GMEB1: variants seen among roughly 807,000 people sequenced by gnomAD.
The protein encoded by GMEB1 is glucocorticoid modulatory element-binding protein 1.
A neutral mutation model predicts 52.4 loss-of-function variants in GMEB1; 6 were observed. That is an observed-to-expected ratio of 0.11 (90% CI 0.06 to 0.23). The LOEUF (loss-of-function observed/expected upper bound fraction) is 0.23. Among genes scored for constraint, GMEB1 ranks in the 10% least tolerant of loss-of-function variants. The pLI is 1.00. For missense variants in GMEB1, 486 were observed against 685.6 expected (o/e 0.71, Z 3.25); for synonymous variants, 255 against 244.9 (o/e 1.04, Z -0.38).
chr1:28,669,690 G>C (rs1440590477), intron 1 of GMEB1, among the ~76,000 whole-genome samples: 2 of 152,136 alleles, frequency 1.3e-5, no homozygotes, highest in Non-Finnish European at 2.9e-5. Context: ...GATGGAAGGT[G>C]TCTAGGTGCC....
At chr1:28,674,741 C>T (rs1274374009) in intron 1 of GMEB1, among the ~76,000 whole-genome samples, 2 of 78,640 alleles carry the variant, frequency 2.5e-5, no homozygotes, top group African/African-American at 1.1e-4. Flanking sequence ...TTTTTTGAGA[C>T]GGAGTCTCGC....
intron 8 of GMEB1, among the ~76,000 whole-genome samples, chr1:28,707,821 G>A (rs1333205104): frequency 6.6e-6 from 1 of 152,116 alleles, no homozygotes; most frequent in African/African-American, 2.4e-5. Flanking sequence ...TCAAACCATG[G>A]GACCAAGTGA....
At chr1:28,682,980 G>A (rs1040308834) in intron 1 of GMEB1, among the ~76,000 whole-genome samples, 1 of 152,130 alleles carries the variant, frequency 6.6e-6, no homozygotes, top group Non-Finnish European at 1.5e-5. Context: ...CTCGAAGTTG[G>A]AAGAGATATG....
chr1:28,714,208 C>G lies in GMEB1; in HGVS notation c.1127C>G (p.Ala376Gly), dbSNP rs1256580510. The G allele has an allele frequency of 3.1e-6, 5 of 1,614,212 alleles. No homozygotes were observed. Among genetic ancestry groups the G allele is most frequent in the Non-Finnish European group, 4.2e-6 (5 of 1,180,032 alleles). The change falls in exon 10 of 10, where the codon GCC becomes GGC. Residue 376 changes from alanine (A) to glycine (G), a missense_variant. Ala to Gly is a moderately conservative substitution (Grantham distance 60, BLOSUM62 0). This residue lies in a region of GMEB1 where 200 missense variants were observed against 253.5 expected (regional missense o/e 0.79). Coordinates refer to ENST00000373816, the MANE Select transcript of GMEB1 (RefSeq NM_001319674.2). The part of the protein sequence containing the change: ...PPKRPRLQRP[A>G]STTVLSPSPP... ...AAAAGGCCCCGGCTCCAGCGGCCAGCCTCCACCACTGTCTTGAGCCCTTCT... is the reference window on the plus strand; with the variant it reads ...AAAAGGCCCCGGCTCCAGCGGCCAGGCTCCACCACTGTCTTGAGCCCTTCT...
At position 28,702,585 on chromosome 1, in the gene GMEB1, G is replaced by A; in HGVS notation, c.730+16G>A. The A allele has an allele frequency of 6.2e-7, 1 of 1,610,486 alleles. No individual in the cohort carries two copies. The highest frequency in any genetic ancestry group is 8.5e-7 in the Non-Finnish European group (1 of 1,177,714). On this transcript the variant is annotated intron_variant, in intron 7 of 9. Transcript: ENST00000373816. Reference sequence around the variant, plus strand: ...GAAATTTCAGGTATTCTTCTATAGGGCTCAGATGTCTTGCAGGGTCTTGTG... The same window carrying A: ...GAAATTTCAGGTATTCTTCTATAGGACTCAGATGTCTTGCAGGGTCTTGTG...
intron 6 of GMEB1, 67 bp downstream of exon 6, chr1:28,697,151 C>A (rs1343641734): frequency 2.3e-6 from 1 of 442,086 alleles, no homozygotes; most frequent in East Asian, 5.9e-5. Context: ...CTTATTTCTC[C>A]CTTGTGTGTA....
chr1:28,670,415 C>T (rs541699318), intron 1 of GMEB1, among the ~76,000 whole-genome samples: 1 of 152,246 alleles, frequency 6.6e-6, no homozygotes, highest in African/African-American at 2.4e-5. Context: ...GCAACCTCCG[C>T]CTCTTGGGTT....
At chr1:28,670,830 T>C (rs1409029519) in intron 1 of GMEB1, among the ~76,000 whole-genome samples, 1 of 152,184 alleles carries the variant, frequency 6.6e-6, no homozygotes, top group Admixed American at 6.5e-5. Flanking sequence ...ATATCAAGGA[T>C]GTATATTTAA....
rs559565686 is a variant in GMEB1, at chr1:28,693,580, G to A, written c.440+535G>A. On this transcript the variant is annotated intron_variant, in intron 5 of 9. Coordinates refer to ENST00000373816, the MANE Select transcript of GMEB1 (RefSeq NM_001319674.2). ...CACCCAGGCTGGAGTGCAGTGGCGC[G>A]ACCTCGGCTCACTGCAACCTCGGCC... 1.9e-4 allele frequency among the ~76,000 whole-genome samples: 28 copies of A among 151,314 alleles called. No homozygotes were observed. In the East Asian group the frequency reaches 5.1e-3, roughly 27 times the overall value.
intron 5 of GMEB1, among the ~76,000 whole-genome samples, 174 bp downstream of exon 5, chr1:28,693,219 A>ATT (rs747525434): frequency 1.1e-4 from 15 of 140,794 alleles, no homozygotes; most frequent in Admixed American, 1.4e-4. Context: ...GACGAGATTG[A>ATT]TTTTTTTTTT....
chr1:28,706,922 C>T (rs1670803066), intron 8 of GMEB1, among the ~76,000 whole-genome samples: 1 of 151,016 alleles, frequency 6.6e-6, no homozygotes, highest in Admixed American at 6.6e-5. Context: ...CTGTTTTGGC[C>T]TCCAAAAGTG....
At chr1:28,712,711 C>T (rs774731801) in intron 9 of GMEB1, among the ~76,000 whole-genome samples, 12 of 152,002 alleles carry the variant, frequency 7.9e-5, no homozygotes, top group Admixed American at 4.6e-4. Flanking sequence ...CCCATCTACT[C>T]GGGAGGCTGA....
At chr1:28,707,627 G>T (rs1278122080) in intron 8 of GMEB1, among the ~76,000 whole-genome samples, 2 of 152,176 alleles carry the variant, frequency 1.3e-5, no homozygotes, top group Admixed American at 1.3e-4. Flanking sequence ...TGAGATGAAG[G>T]CCACTGGGAG....
intron 2 of GMEB1, among the ~76,000 whole-genome samples, chr1:28,684,476 C>T (rs1408662556): frequency 2.0e-5 from 3 of 149,220 alleles, no homozygotes; most frequent in South Asian, 2.2e-4. Flanking sequence ...GGCAGGAGAA[C>T]GGCGTGAACC....
chr1:28,672,673 T>C (rs1039031214), intron 1 of GMEB1, among the ~76,000 whole-genome samples: 10 of 152,030 alleles, frequency 6.6e-5, no homozygotes, highest in African/African-American at 2.4e-4. Context: ...TAACTCGTCA[T>C]TTATATTAGG....
intron 2 of GMEB1, 27 bp downstream of exon 2, chr1:28,683,767 T>G: frequency 6.2e-7 from 1 of 1,609,956 alleles, no homozygotes; most frequent in Non-Finnish European, 8.5e-7. Context: ...TTGGGTATTC[T>G]GAAGTATTTT....
At chr1:28,703,153 G>C (rs1670596314) in intron 7 of GMEB1, among the ~76,000 whole-genome samples, 1 of 152,146 alleles carries the variant, frequency 6.6e-6, no homozygotes, top group African/African-American at 2.4e-5. Flanking sequence ...TGATCAGACT[G>C]CCTCCAACTT....
chr1:28,683,508 C>T (rs28435384), intron 1 of GMEB1, 75 bp from the exon 2 acceptor site: 5 of 1,266,708 alleles, frequency 3.9e-6, no homozygotes, highest in East Asian at 2.6e-5. Context: ...GGATTCCAGG[C>T]GTGAGCCACC....
intron 6 of GMEB1, among the ~76,000 whole-genome samples, chr1:28,700,867 T>G (rs1448697836): frequency 6.6e-6 from 1 of 152,142 alleles, no homozygotes; most frequent in Non-Finnish European, 1.5e-5. Context: ...GAAATGCTAT[T>G]TACAGTTGGC....
Sources: gnomAD v4.1 joint callset for allele counts (sites outside exome capture counted in the v4.1 genomes callset) on GRCh38, gnomAD v4.1.1 for gene constraint, gnomAD v4.1.1 regional missense constraint, MANE v1.5 for transcripts, NCBI Gene and HGNC (gene_info 2026-07-23, HGNC 2026-07-21) for gene names.